Variants in CDK14 observed in about 807,000 individuals in gnomAD.
CDK14 encodes cyclin-dependent kinase 14.
In CDK14, 34 loss-of-function variants were observed where a neutral mutation model predicts 60.7. The observed-to-expected ratio is 0.56, with a 90% CI of 0.43 to 0.75. The LOEUF (loss-of-function observed/expected upper bound fraction) is 0.75, where lower values mean the gene tolerates loss of function less well. CDK14 is among the 30% of genes least tolerant of loss of function. CDK14 has a pLI of 0.00. For synonymous variants in CDK14, 197 were observed against 203.7 expected (o/e 0.97, Z 0.28); for missense variants, 482 against 564.1 (o/e 0.85, Z 1.47).
intron 2 of CDK14, among the ~76,000 whole-genome samples, chr7:90,698,136 C>CT (rs1584800581): frequency 7.1e-6 from 1 of 140,180 alleles, no homozygotes; most frequent in South Asian, 2.4e-4. Context: ...AAAAAAAGTA[C>CT]TTAAAGAAAA....
chr7:91,073,431 C>A (rs1395228959), intron 11 of CDK14, among the ~76,000 whole-genome samples: 1 of 152,122 alleles, frequency 6.6e-6, no homozygotes, highest in Non-Finnish European at 1.5e-5. Context: ...GAAATAAAAT[C>A]ATTTTCAGAC....
At chr7:90,785,273 A>G (rs774417050) in intron 4 of CDK14, among the ~76,000 whole-genome samples, 4 of 152,218 alleles carry the variant, frequency 2.6e-5, no homozygotes, top group Admixed American at 2.0e-4. Flanking sequence ...TTCAGAGATG[A>G]CACAGATAAT....
intron 3 of CDK14, among the ~76,000 whole-genome samples, chr7:90,735,418 C>T (rs1207816255): frequency 2.6e-5 from 4 of 152,208 alleles, no homozygotes; most frequent in Non-Finnish European, 5.9e-5. Flanking sequence ...CACAGCCGCC[C>T]CTTTCCCCCG....
rs114711275 is a variant in CDK14 at position 90,641,694 on chromosome 7, A to G, written c.123+37445A>G. On this transcript the variant is annotated intron_variant, in intron 2 of 14. Coordinates refer to ENST00000380050, the MANE Select transcript of CDK14 (RefSeq NM_001287135.2). The stretch of plus-strand genomic sequence containing the variant: ...GCTGTGGCTCTCTTTGAGATCATCA[A>G]AGTGGATTTTGTTGAGATCATCAAA... 6.8e-3 allele frequency among the ~76,000 whole-genome samples: 1,030 copies of G among 152,260 alleles called. 16 individuals are homozygous for G. Among genetic ancestry groups the G allele is most frequent in the African/African-American group, 0.024 (988 of 41,536 alleles).
rs1800728371 is a variant in CDK14, at chr7:91,148,620, T to C, written c.*28+30412T>C. 2.0e-5 allele frequency among the ~76,000 whole-genome samples: 3 copies of C among 152,100 alleles called. No individual in the cohort carries two copies. The South Asian group carries it at 6.2e-4, about 32-fold the overall frequency. On this transcript the variant is annotated intron_variant, in intron 14 of 14. Transcript: ENST00000380050. ...GCCATAGTGTCCACTCTTAAGGACA[T>C]TGCATTCTTTGGGGAGAGATAGACA...
chr7:90,953,661 A>T (rs1328832923), intron 8 of CDK14, among the ~76,000 whole-genome samples: 1 of 151,848 alleles, frequency 6.6e-6, no homozygotes, highest in Non-Finnish European at 1.5e-5. Flanking sequence ...AAAATCTTCA[A>T]TTTTTTTTCA....
chr7:91,004,326 A>G (rs1284457321), intron 10 of CDK14, among the ~76,000 whole-genome samples: 1 of 152,250 alleles, frequency 6.6e-6, no homozygotes, highest in Non-Finnish European at 1.5e-5. Flanking sequence ...TAAAAGGCTA[A>G]TAAAGGAACA....
intron 7 of CDK14, among the ~76,000 whole-genome samples, chr7:90,913,951 A>G (rs1437723091): frequency 5.9e-5 from 9 of 152,174 alleles, no homozygotes. Flanking sequence ...CAGCATGTCA[A>G]AGTGCCATTT....
chr7:91,103,786 C>T (rs1426362075), intron 12 of CDK14, among the ~76,000 whole-genome samples: 1 of 151,478 alleles, frequency 6.6e-6, no homozygotes, highest in African/African-American at 2.4e-5. Flanking sequence ...ATTCATGTTA[C>T]CTTCTTTCAT....
chr7:91,094,418 G>A (rs1344568556), intron 12 of CDK14, among the ~76,000 whole-genome samples: 1 of 152,110 alleles, frequency 6.6e-6, no homozygotes, highest in Non-Finnish European at 1.5e-5. Context: ...TAGCGGTGGG[G>A]GAGAAGTGGT....
intron 8 of CDK14, among the ~76,000 whole-genome samples, chr7:90,941,738 G>A (rs969914795): frequency 1.3e-5 from 2 of 152,080 alleles, no homozygotes; most frequent in Non-Finnish European, 2.9e-5. Context: ...ACAGGTGCAT[G>A]CCACTGCACC....
intron 14 of CDK14, among the ~76,000 whole-genome samples, chr7:91,155,749 G>A (rs974017446): frequency 6.6e-6 from 1 of 152,136 alleles, no homozygotes; most frequent in African/African-American, 2.4e-5. Context: ...TTGTGTCATT[G>A]AAGTATAGTA....
intron 12 of CDK14, among the ~76,000 whole-genome samples, chr7:91,087,260 T>TTA (rs1254465889): frequency 2.0e-5 from 3 of 152,210 alleles, no homozygotes; most frequent in African/African-American, 2.4e-5. Context: ...TAGAGTATTC[T>TTA]TATTAACACC....
At chr7:91,088,903 A>G (rs1296559836) in intron 12 of CDK14, among the ~76,000 whole-genome samples, 3 of 151,710 alleles carry the variant, frequency 2.0e-5, no homozygotes, top group Non-Finnish European at 4.4e-5. Flanking sequence ...TAAATCCTTT[A>G]GTGACTAAAC....
intron 13 of CDK14, among the ~76,000 whole-genome samples, chr7:91,115,539 C>A (rs1562910738): frequency 6.6e-6 from 1 of 152,136 alleles, no homozygotes; most frequent in Non-Finnish European, 1.5e-5. Flanking sequence ...ACAATTCAAT[C>A]CATAGCACTC....
chr7:90,655,754 A>G (rs984019003), intron 2 of CDK14, among the ~76,000 whole-genome samples: 3 of 152,178 alleles, frequency 2.0e-5, no homozygotes, highest in African/African-American at 7.2e-5. Flanking sequence ...GCAAAGAGCC[A>G]TTCTTTCAAG....
At chr7:91,177,945 A>G (rs1302826704) in intron 14 of CDK14, among the ~76,000 whole-genome samples, 1 of 143,282 alleles carries the variant, frequency 7.0e-6, no homozygotes, top group African/African-American at 2.6e-5. Flanking sequence ...TTCTTCACAG[A>G]ATTGGAAAAA....
chr7:90,614,945 A>G (rs893494449), intron 2 of CDK14, among the ~76,000 whole-genome samples: 1 of 152,196 alleles, frequency 6.6e-6, no homozygotes, highest in Non-Finnish European at 1.5e-5. Context: ...GGTTTTAGGA[A>G]AAAGCCAGGT....
At chr7:90,821,661 C>A (rs3808234) in intron 5 of CDK14, among the ~76,000 whole-genome samples, 13,319 of 152,218 alleles carry the variant, frequency 0.087, 995 homozygotes, top group East Asian at 0.43. Context: ...AGATGAGCTC[C>A]ACAATGTTCA....
Sources: allele counts gnomAD v4.1 joint callset (sites outside exome capture counted in the v4.1 genomes callset), GRCh38; gene constraint gnomAD v4.1.1; transcripts MANE v1.5; gene names NCBI Gene and HGNC (gene_info 2026-07-23, HGNC 2026-07-21).